Variants in KATNIP observed in about 807,000 individuals in gnomAD.
KATNIP encodes the protein katanin interacting protein.
Under a neutral mutation model 174.0 loss-of-function variants are expected in KATNIP, and 126 were observed. The observed-to-expected ratio is 0.72, with a 90% CI of 0.63 to 0.84. KATNIP has a LOEUF of 0.84. KATNIP is among the 40% of genes least tolerant of loss of function. The pLI is 0.00. For missense variants in KATNIP, 1,958 were observed against 2,109.7 expected (o/e 0.93, Z 1.41); for synonymous variants, 810 against 835.7 (o/e 0.97, Z 0.53).
At chr16:27,778,515 G>T in intron 27 of KATNIP, 59 bp from the exon 28 acceptor site, 3 of 1,546,160 alleles carry the variant, frequency 1.9e-6, no homozygotes, top group Non-Finnish European at 2.7e-6. Context: ...GGAGTGTGGG[G>T]CACCCCTCCA....
chr16:27,750,360 A>C (rs1398942794), intron 16 of KATNIP, 54 bp downstream of exon 16: 1 of 1,538,564 alleles, frequency 6.5e-7, no homozygotes, highest in Non-Finnish European at 8.8e-7. Context: ...ACTTGCTGAG[A>C]GTCTATGGGA....
In KATNIP at chr16:27,552,874, A is replaced by G. The variant is rs572326819; in HGVS notation, c.7+2697A>G. Among the ~76,000 whole-genome samples the G allele has an allele frequency of 1.6e-4, 25 of 151,822 alleles. No individual in the cohort carries two copies. The South Asian group carries it at 4.2e-3, about 25-fold the overall frequency. ...CACGCTCAGCTAATTTTGTACTTTT[A>G]GTAGAGATGGGGTTTCTCTATGTTG... On this transcript the variant is annotated intron_variant, in intron 1 of 27. Coordinates refer to ENST00000261588, the MANE Select transcript of KATNIP (RefSeq NM_015202.5).
chr16:27,604,205 C>T (rs1038981734), intron 2 of KATNIP, among the ~76,000 whole-genome samples: 1 of 151,174 alleles, frequency 6.6e-6, no homozygotes, highest in Non-Finnish European at 1.5e-5. Flanking sequence ...CTCAAGCGAT[C>T]CTCTCGCCTC....
intron 5 of KATNIP, chr16:27,631,376 C>T (rs2076483633): frequency 5.9e-6 from 3 of 509,768 alleles, no homozygotes; most frequent in Non-Finnish European, 1.1e-5. Context: ...TTCATCTCTA[C>T]TAAAAATAAA....
Position 27,777,542 on chromosome 16 carries a change from G to T in KATNIP, c.4552-68G>T, listed in dbSNP as rs181316369. The stretch of plus-strand genomic sequence containing the variant: ...GAAAGCCTTGGCTCAGAGCAGTAAC[G>T]CGTTCTGCCCAAGGTCAACGTGGGA... On this transcript the variant is annotated intron_variant, in intron 25 of 27. Transcript: ENST00000261588. This position sits in a 1 kb window ranked among gnomAD's most constrained non-coding sequence, Gnocchi z 4.4. 49 of 1,468,184 alleles carry T rather than the reference G, an allele frequency of 3.3e-5. No homozygotes were observed. The East Asian group carries it at 7.3e-4, about 22-fold the overall frequency. 90.9% of individuals were successfully genotyped at this position (1,468,184 alleles called of 1,614,324 possible). A position where few individuals can be genotyped will look rare whatever the true frequency, so the allele number is the denominator to read the frequency against.
intron 20 of KATNIP, 28 bp from the exon 21 acceptor site, chr16:27,769,833 C>A: frequency 6.2e-7 from 1 of 1,607,966 alleles, no homozygotes; most frequent in South Asian, 1.1e-5. Flanking sequence ...TGCCTCCCTT[C>A]AGTCATGTTA....
At position 27,703,933 on chromosome 16, in the gene KATNIP, G is replaced by C. The variant is rs1447812977; in HGVS notation, c.1324G>C (p.Glu442Gln). The C allele has an allele frequency of 1.2e-6, 2 of 1,614,220 alleles. No individual in the cohort carries two copies. The highest frequency in any genetic ancestry group is 1.1e-5 in the South Asian group (1 of 91,076). Residue 442 changes from glutamate to glutamine, a missense_variant, in exon 12 of 28, where the codon GAA becomes CAA. By Grantham distance (29) the Glu-to-Gln change is conservative. This residue lies in a region of KATNIP where 1,557 missense variants were observed against 1,617.8 expected (regional missense o/e 0.96). Transcript: ENST00000261588. ...GCTTCTGAAAGTCCTCCAGGCCGTC[G>C]AAAGTGACTCTGCCCATCTCGGCAG... ...QKLLKVLQAV[E>Q]SDSAHLGRVV...
Position 27,777,627 on chromosome 16 carries a change from G to A in KATNIP, c.4569G>A (p.Leu1523=), listed in dbSNP as rs1174781942. Residue 1523 remains leucine, a synonymous_variant, in exon 26 of 28, where the codon CTG becomes CTA. Coordinates refer to ENST00000261588, the MANE Select transcript of KATNIP (RefSeq NM_015202.5). This position sits in a 1 kb window ranked among gnomAD's most constrained non-coding sequence, Gnocchi z 4.4. ...CCCTGCAGCTCCTGGTGGACGACCT[G>A]CTTGTGTACAATGGGATCCTGGCCA... ...VKEFGLLVDD[L]LVYNGILAMV... 1 of 1,612,058 alleles carries A rather than the reference G, an allele frequency of 6.2e-7. No homozygotes were observed. The highest frequency in any genetic ancestry group is 1.7e-5 in the Admixed American group (1 of 59,856).
chr16:27,622,326 G>T (rs374252556), intron 3 of KATNIP, among the ~76,000 whole-genome samples: 44 of 152,254 alleles, frequency 2.9e-4, no homozygotes, highest in African/African-American at 5.5e-4. Context: ...AGGGAGTAGG[G>T]GGACAGAGTC....
At chr16:27,660,207 A>C (rs965792350) in intron 6 of KATNIP, among the ~76,000 whole-genome samples, 2 of 152,162 alleles carry the variant, frequency 1.3e-5, no homozygotes, top group African/African-American at 2.4e-5. Context: ...CAGCTCTGAA[A>C]TCGTAAATCC....
chr16:27,754,055 C>A (rs2081618263), intron 17 of KATNIP, 118 bp from the exon 18 acceptor site: 6 of 818,906 alleles, frequency 7.3e-6, no homozygotes, highest in Non-Finnish European at 1.2e-5. Context: ...GGAAAACACA[C>A]AAGGACTTAC....
chr16:27,591,760 T>C (rs2075175049), intron 2 of KATNIP, among the ~76,000 whole-genome samples: 1 of 152,204 alleles, frequency 6.6e-6, no homozygotes, highest in African/African-American at 2.4e-5. Context: ...TTTTGTGCCA[T>C]GGTAGTGGTG....
chr16:27,668,879 AC>A (rs2077786007), intron 6 of KATNIP, among the ~76,000 whole-genome samples: 1 of 152,124 alleles, frequency 6.6e-6, no homozygotes, highest in Non-Finnish European at 1.5e-5. Flanking sequence ...GGTGATATGC[AC>A]CTGTAATCCC....
At chr16:27,754,357 G>A in intron 18 of KATNIP, 106 bp downstream of exon 18, 1 of 937,280 alleles carries the variant, frequency 1.1e-6, no homozygotes, top group Non-Finnish European at 1.7e-6. Context: ...CGGGTGGGTT[G>A]GACACTGTAC....
At chr16:27,739,131 C>CT (rs2081009095) in intron 14 of KATNIP, among the ~76,000 whole-genome samples, 1 of 152,254 alleles carries the variant, frequency 6.6e-6, no homozygotes, top group South Asian at 2.1e-4. Context: ...GGTAGAGACC[C>CT]TGGTGGCCTG....
intron 2 of KATNIP, among the ~76,000 whole-genome samples, chr16:27,615,544 C>T (rs1001037485): frequency 4.6e-5 from 7 of 151,878 alleles, no homozygotes; most frequent in African/African-American, 1.2e-4. Context: ...TTAGTAGAGA[C>T]GGGGTTTCAC....
chr16:27,696,649 T>G (rs1385660018), intron 8 of KATNIP, among the ~76,000 whole-genome samples: 2 of 152,226 alleles, frequency 1.3e-5, no homozygotes, highest in African/African-American at 4.8e-5. Flanking sequence ...TCATCCATGT[T>G]GCTGCAGAGA....
chr16:27,571,448 G>GAAA (rs761147324), intron 1 of KATNIP, among the ~76,000 whole-genome samples: 7 of 139,126 alleles, frequency 5.0e-5, no homozygotes, highest in African/African-American at 1.6e-4. Context: ...AACTCTTAAA[G>GAAA]AAAAAAAAAA....
intron 20 of KATNIP, among the ~76,000 whole-genome samples, chr16:27,767,872 G>A (rs980653136): frequency 1.3e-5 from 2 of 152,066 alleles, no homozygotes; most frequent in Non-Finnish European, 2.9e-5. Context: ...CGCTCCCCTG[G>A]GTTCAACACA....
Sources: gnomAD v4.1 joint callset for allele counts (sites outside exome capture counted in the v4.1 genomes callset) on GRCh38, gnomAD v4.1.1 for gene constraint, gnomAD v4.1.1 regional missense constraint, Gnocchi (gnomAD v3.1) non-coding constraint, MANE v1.5 for transcripts, NCBI Gene and HGNC (gene_info 2026-07-23, HGNC 2026-07-21) for gene names.